The following GOLGA1 variants were observed in gnomAD, a reference collection of about 807,000 sequenced individuals.
The protein encoded by GOLGA1 is golgin subfamily A member 1.
GOLGA1 carries 63 observed loss-of-function variants against 119.7 expected under a neutral mutation model. The ratio of observed to expected loss-of-function variants is 0.53; its 90% CI spans 0.43 to 0.65. GOLGA1 has a LOEUF of 0.65. Among genes scored for constraint, GOLGA1 ranks in the 30% least tolerant of loss-of-function variants. The pLI, the probability that GOLGA1 is intolerant of heterozygous loss-of-function variation, is 0.00. For missense variants in GOLGA1, 798 were observed against 912.8 expected (o/e 0.87, Z 1.62); for synonymous variants, 318 against 333.4 (o/e 0.95, Z 0.50).
Position 124,929,293 on chromosome 9 carries a change from T to C in GOLGA1, c.227-3A>G, listed in dbSNP as rs770266718. The C allele has an allele frequency of 6.3e-7, 1 of 1,596,034 alleles. No individual in the cohort carries two copies. Among genetic ancestry groups the C allele is most frequent in the Admixed American group, 1.7e-5 (1 of 59,964 alleles). ...GTTTCGGACCTGTTCAGCATAGTCT[T>C]GGGTGAGGAGGGTGACGCACATACC... On this transcript the variant is annotated splice_region_variant and splice_polypyrimidine_tract_variant and intron_variant, in intron 4 of 22. Coordinates refer to ENST00000373555, the MANE Select transcript of GOLGA1 (RefSeq NM_002077.4).
chr9:124,930,193 A>C (rs1208176267), intron 4 of GOLGA1, among the ~76,000 whole-genome samples: 1 of 152,174 alleles, frequency 6.6e-6, no homozygotes, highest in Non-Finnish European at 1.5e-5. Context: ...CTCTAACGTA[A>C]GTCAAGCTCA....
intron 6 of GOLGA1, among the ~76,000 whole-genome samples, 166 bp from the exon 7 acceptor site, chr9:124,926,907 G>C (rs1830685807): frequency 6.6e-6 from 1 of 151,850 alleles, no homozygotes; most frequent in South Asian, 2.1e-4. Flanking sequence ...ATTAAGAAAG[G>C]CAAGAGTCAC....
At chr9:124,919,824 C>T (rs2131481244) in intron 10 of GOLGA1, among the ~76,000 whole-genome samples, 1 of 152,100 alleles carries the variant, frequency 6.6e-6, no homozygotes, top group East Asian at 1.9e-4. Flanking sequence ...AACCCAGAGG[C>T]CAGGAATGCT....
chr9:124,923,285 A>G, intron 7 of GOLGA1, 62 bp from the exon 8 acceptor site: 1 of 1,376,370 alleles, frequency 7.3e-7, no homozygotes, highest in East Asian at 2.3e-5. Context: ...GTATTACGAA[A>G]GTGAAAATCT....
Position 124,898,571 on chromosome 9 carries a change from T to A in GOLGA1, c.1385A>T (p.Gln462Leu). 6.3e-7 allele frequency: 1 copy of A among 1,597,920 alleles called. No homozygotes were observed. The highest frequency in any genetic ancestry group is 8.6e-7 in the Non-Finnish European group (1 of 1,166,152). ...TACCTTCAGCTTCTTTAGTTCAAAT[T>A]GGTGATTTTGTAAAGAACGTTCATA... ...NEYERSLQNH[Q>L]FELKKLKEEW... Residue 462 changes from glutamine (Q) to leucine (L), a missense_variant, in exon 15 of 23, where the codon CAA (glutamine) becomes CTA (leucine). Physicochemically the swap from Gln to Leu is moderately radical, Grantham distance 113. Transcript: ENST00000373555.
chr9:124,917,628 T>A (rs1011914511), intron 10 of GOLGA1, among the ~76,000 whole-genome samples: 2 of 152,174 alleles, frequency 1.3e-5, no homozygotes, highest in Admixed American at 6.5e-5. Context: ...CCTCTCAGTC[T>A]CCTAACGGCC....
Position 124,882,035 on chromosome 9 carries a change from A to C in GOLGA1, c.1966-81T>G. ...ATCACACGGGAGGTTCACCTGGTCC[A>C]AACTATGATCACTATCGTAGGGCAA... On this transcript the variant is annotated intron_variant, in intron 20 of 22. Transcript: ENST00000373555. The C allele has an allele frequency of 1.9e-6, 2 of 1,067,760 alleles. 1 individual carries two copies. Among genetic ancestry groups the C allele is most frequent in the South Asian group, 3.2e-5 (2 of 63,164 alleles). The allele number at this position is 1,067,760 out of a possible 1,614,324, so 66.1% of individuals were successfully genotyped here.
intron 11 of GOLGA1, among the ~76,000 whole-genome samples, chr9:124,911,535 C>G (rs1830341871): frequency 6.6e-6 from 1 of 152,204 alleles, no homozygotes; most frequent in South Asian, 2.1e-4. Flanking sequence ...CTTGCTTTTG[C>G]CAAGGGGCAG....
chr9:124,914,149 T>C (rs1162206553), intron 10 of GOLGA1, among the ~76,000 whole-genome samples: 1 of 152,134 alleles, frequency 6.6e-6, no homozygotes, highest in Non-Finnish European at 1.5e-5. Flanking sequence ...GCAATAGTTA[T>C]AACTGTAATA....
chr9:124,938,304 T>C (rs1449849797), intron 3 of GOLGA1, among the ~76,000 whole-genome samples: 1 of 151,674 alleles, frequency 6.6e-6, no homozygotes, highest in South Asian at 2.1e-4. Flanking sequence ...CAAAAGAAGA[T>C]GTATAAGGTA....
chr9:124,929,352 TAAAC>T (rs1830731824), intron 4 of GOLGA1, 62 bp from the exon 5 acceptor site: 2 of 1,002,844 alleles, frequency 2.0e-6, no homozygotes, highest in Admixed American at 3.6e-5. Flanking sequence ...GGAAGTTAAT[TAAAC>T]AAAAAAATGA....
intron 2 of GOLGA1, among the ~76,000 whole-genome samples, chr9:124,939,667 A>C (rs547960370): frequency 6.9e-6 from 1 of 144,182 alleles, no homozygotes; most frequent in African/African-American, 2.6e-5. Context: ...GGTTCAAGCG[A>C]TTCTCCTGCC....
In GOLGA1 at chr9:124,920,736, C is replaced by T. The variant is rs553718521; in HGVS notation, c.843+393G>A. Among the ~76,000 whole-genome samples, 3 of 151,864 alleles carry T rather than the reference C, an allele frequency of 2.0e-5. No individual in the cohort carries two copies. The South Asian group carries it at 6.2e-4, about 32-fold the overall frequency. ...GGATCACGAGGTCAGGAGTTTGAGA[C>T]CAGCCTGGCCAACATGGTAAAACCC... On this transcript the variant is annotated intron_variant, in intron 10 of 22. Coordinates refer to ENST00000373555, the MANE Select transcript of GOLGA1 (RefSeq NM_002077.4).
chr9:124,944,803 T>A (rs1831120671), upstream of GOLGA1: 1 of 152,154 alleles, frequency 6.6e-6, no homozygotes, highest in African/African-American at 2.4e-5. Flanking sequence ...AATTTATGGT[T>A]CAAATTGTAA....
rs1336964020 is a variant in GOLGA1 at position 124,878,911 on chromosome 9, C to T, written c.*1619G>A. On this transcript the variant is annotated 3_prime_UTR_variant, in exon 23 of 23. Coordinates refer to ENST00000373555, the MANE Select transcript of GOLGA1 (RefSeq NM_002077.4). The stretch of plus-strand genomic sequence containing the variant: ...TGCAGAACAGAAGAGACTCCTGTTT[C>T]GTGTTCCCACCAGGTAAATGGAAAT... 1 of 152,184 alleles carries T rather than the reference C, an allele frequency of 6.6e-6. No homozygotes were observed. The allele number at this position is 152,184 out of a possible 1,614,324, so 9.4% of individuals were successfully genotyped here.
chr9:124,903,527 C>T (rs1312170023), intron 12 of GOLGA1, among the ~76,000 whole-genome samples: 5 of 149,888 alleles, frequency 3.3e-5, no homozygotes, highest in South Asian at 2.1e-4. Context: ...GCTTACAGAA[C>T]GGGGGCTCGT....
Position 124,898,636 on chromosome 9 carries a change from C to T in GOLGA1, c.1320G>A (p.Leu440=), listed in dbSNP as rs770438094. 1.5e-5 allele frequency: 24 copies of T among 1,602,668 alleles called. No homozygotes were observed. The highest frequency in any genetic ancestry group is 1.8e-5 in the Non-Finnish European group (21 of 1,170,164). ...QTTAEQGMRQ[L]EQENAALKEC... ...CTTTAAGGGCTGCATTTTCTTGCTC[C>T]AGTTGTCTCTGCCAATTCAGAAGAA... Residue 440 remains leucine, a synonymous_variant, in exon 15 of 23, where the codon CTG becomes CTA. Coordinates refer to ENST00000373555, the MANE Select transcript of GOLGA1 (RefSeq NM_002077.4).
At chr9:124,940,036 C>T (rs1454738874) in intron 2 of GOLGA1, 70 bp downstream of exon 2, 1 of 152,194 alleles carries the variant, frequency 6.6e-6, no homozygotes, top group Non-Finnish European at 1.5e-5. Flanking sequence ...CTTACCACTT[C>T]AGATCCTCCA....
intron 19 of GOLGA1, among the ~76,000 whole-genome samples, chr9:124,886,653 G>A (rs563963567): frequency 5.9e-5 from 9 of 152,198 alleles, no homozygotes; most frequent in African/African-American, 1.4e-4. Context: ...GCACAACGGC[G>A]CACCTCTCAG....
Sources: gnomAD v4.1 joint callset for allele counts (sites outside exome capture counted in the v4.1 genomes callset) on GRCh38, gnomAD v4.1.1 for gene constraint, MANE v1.5 for transcripts, NCBI Gene and HGNC (gene_info 2026-07-23, HGNC 2026-07-21) for gene names.